The following RORA variants were observed in gnomAD, a reference collection of about 807,000 sequenced individuals.
RORA encodes the protein nuclear receptor ROR-alpha.
In RORA, 7 loss-of-function variants were observed where a neutral mutation model predicts 69.5. That is an observed-to-expected ratio of 0.10 (90% CI 0.06 to 0.19). The LOEUF (loss-of-function observed/expected upper bound fraction) is 0.19. RORA is among the 10% of genes least tolerant of loss of function. The pLI, the probability that RORA is intolerant of heterozygous loss-of-function variation, is 1.00. For missense variants in RORA, 457 were observed against 663.0 expected, an observed-to-expected ratio of 0.69 and a Z score of 3.41; for synonymous variants, 261 against 240.8, an observed-to-expected ratio of 1.08 and a Z score of -0.78.
intron 1 of RORA, among the ~76,000 whole-genome samples, chr15:60,820,012 G>A (rs951996604): frequency 2.6e-5 from 4 of 152,320 alleles, no homozygotes; most frequent in Admixed American, 1.3e-4. Context: ...ACACAACCAC[G>A]CCTCTCCCTA....
intron 1 of RORA, among the ~76,000 whole-genome samples, chr15:60,741,463 T>C (rs1211780921): frequency 1.3e-5 from 2 of 152,142 alleles, no homozygotes; most frequent in African/African-American, 2.4e-5. Context: ...GTGAGATGGG[T>C]CTATGCCTCC....
At chr15:61,060,100 GGGTTT>G (rs1450642729) in intron 1 of RORA, among the ~76,000 whole-genome samples, 1 of 152,086 alleles carries the variant, frequency 6.6e-6, no homozygotes, top group Non-Finnish European at 1.5e-5. Flanking sequence ...GGAGGTGGAG[GGGTTT>G]CCGTATTATT....
chr15:61,077,316 C>T (rs906909684), intron 1 of RORA, among the ~76,000 whole-genome samples: 1 of 152,128 alleles, frequency 6.6e-6, no homozygotes, highest in Non-Finnish European at 1.5e-5. Flanking sequence ...GGGTGCCCTA[C>T]CGGATTCAGG....
chr15:61,183,533 C>CA (rs11392772), intron 1 of RORA, among the ~76,000 whole-genome samples: 95,611 of 130,518 alleles, frequency 0.73, 33,825 homozygotes, highest in East Asian at 0.85. Context: ...GAGACTGTTT[C>CA]AAAAAAAAAA....
intron 1 of RORA, among the ~76,000 whole-genome samples, chr15:61,216,663 G>C (rs1165080318): frequency 6.6e-6 from 1 of 152,170 alleles, no homozygotes; most frequent in Non-Finnish European, 1.5e-5. Context: ...TACAAGAATA[G>C]TGGGAGCAGG....
At chr15:60,591,018 C>T (rs935859403) in intron 2 of RORA, among the ~76,000 whole-genome samples, 10 of 152,160 alleles carry the variant, frequency 6.6e-5, no homozygotes, top group African/African-American at 1.7e-4. Flanking sequence ...AGGCAAAGCT[C>T]GGTGATCCGA....
At chr15:60,714,099 G>T (rs2071184378) in intron 1 of RORA, among the ~76,000 whole-genome samples, 1 of 151,710 alleles carries the variant, frequency 6.6e-6, no homozygotes, top group African/African-American at 2.4e-5. Context: ...CGTCGCCCAG[G>T]ATGGAGTGCA....
At chr15:60,501,843 TA>T (rs2065340923) in intron 8 of RORA, among the ~76,000 whole-genome samples, 1 of 152,250 alleles carries the variant, frequency 6.6e-6, no homozygotes, top group Non-Finnish European at 1.5e-5. Context: ...TGTATATATT[TA>T]AATGACAATG....
chr15:60,920,079 C>T (rs551544432), intron 1 of RORA, among the ~76,000 whole-genome samples: 14 of 152,304 alleles, frequency 9.2e-5, no homozygotes, highest in African/African-American at 3.4e-4. Flanking sequence ...AGGCCTCTTC[C>T]TTTATCAGCT....
intron 1 of RORA, among the ~76,000 whole-genome samples, chr15:60,792,748 G>C (rs1447770281): frequency 6.6e-6 from 1 of 152,178 alleles, no homozygotes; most frequent in Non-Finnish European, 1.5e-5. Flanking sequence ...ATTGCCAAGA[G>C]ATCTGTACTA....
chr15:60,966,977 C>G, intron 1 of RORA, among the ~76,000 whole-genome samples: 1 of 152,144 alleles, frequency 6.6e-6, no homozygotes, highest in East Asian at 1.9e-4. Context: ...CTTCTGCCAC[C>G]TCAGCAGAAT....
At chr15:61,099,673 C>T (rs1044607428) in intron 1 of RORA, among the ~76,000 whole-genome samples, 2 of 152,228 alleles carry the variant, frequency 1.3e-5, no homozygotes, top group African/African-American at 4.8e-5. Flanking sequence ...CCATGTTCAG[C>T]TCTGGCCATT....
chr15:60,547,345 A>G (rs999689856), intron 2 of RORA, among the ~76,000 whole-genome samples: 10 of 141,714 alleles, frequency 7.1e-5, no homozygotes, highest in African/African-American at 2.6e-4. Context: ...TTTTTTAAAG[A>G]TAGGGTCTCG....
intron 1 of RORA, among the ~76,000 whole-genome samples, chr15:60,983,723 C>G (rs1034172381): frequency 1.3e-5 from 2 of 152,226 alleles, no homozygotes; most frequent in Non-Finnish European, 1.5e-5. Flanking sequence ...TAAGCTCCCA[C>G]TTTGAGTTGT....
intron 1 of RORA, among the ~76,000 whole-genome samples, chr15:60,878,292 C>T (rs2073640962): frequency 7.3e-6 from 1 of 137,360 alleles, no homozygotes; most frequent in South Asian, 2.4e-4. Flanking sequence ...TGCAGTGGGC[C>T]GAGATCGCGG....
rs145809306 is a variant in RORA at position 60,553,152 on chromosome 15, T to C, written c.197-21301A>G. ...GCTATTACTATTGTTATATGAGCTA[T>C]TGATATTTTTATCTGATCCCAGATA... On this transcript the variant is annotated intron_variant, in intron 2 of 10. Transcript: ENST00000335670. 3.5e-3 allele frequency among the ~76,000 whole-genome samples: 538 copies of C among 152,368 alleles called. 1 individual carries two copies. The highest frequency in any genetic ancestry group is 7.4e-3 in the Admixed American group (113 of 15,310).
chr15:60,819,597 G>A (rs766504655), intron 1 of RORA, among the ~76,000 whole-genome samples: 74 of 152,144 alleles, frequency 4.9e-4, no homozygotes, highest in Non-Finnish European at 8.4e-4. Flanking sequence ...TGCTGCTGGC[G>A]CCCTTCGGAG....
chr15:60,948,948 G>A (rs1892993453), intron 1 of RORA, among the ~76,000 whole-genome samples: 1 of 152,226 alleles, frequency 6.6e-6, no homozygotes, highest in African/African-American at 2.4e-5. Flanking sequence ...GAGCAGGAGA[G>A]ATATAAGGAT....
chr15:60,521,127 T>C (rs1028367043), intron 3 of RORA, among the ~76,000 whole-genome samples: 1 of 152,144 alleles, frequency 6.6e-6, no homozygotes, highest in African/African-American at 2.4e-5. Context: ...ACACCTTAGA[T>C]ATATCAAACC....
Sources: gnomAD v4.1 joint callset for allele counts (sites outside exome capture counted in the v4.1 genomes callset) on GRCh38, gnomAD v4.1.1 for gene constraint, MANE v1.5 for transcripts, NCBI Gene and HGNC (gene_info 2026-07-23, HGNC 2026-07-21) for gene names.